The following CLCN3 variants were observed in gnomAD, a reference collection of about 807,000 sequenced individuals.
CLCN3 encodes H(+)/Cl(-) exchange transporter 3.
Under a neutral mutation model 83.4 loss-of-function variants are expected in CLCN3, and 16 were observed. That is an observed-to-expected ratio of 0.19 (90% CI 0.13 to 0.29). CLCN3 has a LOEUF of 0.29. Among genes scored for constraint, CLCN3 ranks in the 10% least tolerant of loss-of-function variants. The pLI is 1.00. For synonymous variants in CLCN3, 322 were observed against 346.2 expected (o/e 0.93, Z 0.78); for missense variants, 544 against 1,006.0 (o/e 0.54, Z 6.21).
intron 2 of CLCN3, among the ~76,000 whole-genome samples, chr4:169,649,275 C>T (rs1581205700): frequency 1.3e-5 from 2 of 152,116 alleles, no homozygotes; most frequent in Non-Finnish European, 1.5e-5. Flanking sequence ...AGGCTGAAGA[C>T]GTAGCTAAGC....
chr4:169,643,408 T>A (rs1730478713), intron 2 of CLCN3, among the ~76,000 whole-genome samples: 1 of 152,046 alleles, frequency 6.6e-6, no homozygotes, highest in African/African-American at 2.4e-5. Context: ...TTTTTTGTAT[T>A]TAGTAGAGAC....
At chr4:169,643,869 C>T (rs1469881496) in intron 2 of CLCN3, among the ~76,000 whole-genome samples, 2 of 152,072 alleles carry the variant, frequency 1.3e-5, no homozygotes, top group African/African-American at 4.8e-5. Context: ...CTTGAGAGCT[C>T]AAATTTTTTT....
At chr4:169,684,427 G>T (rs1207498619) in intron 3 of CLCN3, among the ~76,000 whole-genome samples, 1 of 152,120 alleles carries the variant, frequency 6.6e-6, no homozygotes, top group Non-Finnish European at 1.5e-5. Flanking sequence ...ATGGATTTAA[G>T]TATATTTGTG....
At chr4:169,671,583 C>G (rs112202884) in intron 2 of CLCN3, among the ~76,000 whole-genome samples, 1 of 152,048 alleles carries the variant, frequency 6.6e-6, no homozygotes, top group South Asian at 2.1e-4. Flanking sequence ...CCTGCACATT[C>G]TGAACATGTA....
chr4:169,699,738 C>T (rs777815146), intron 9 of CLCN3, among the ~76,000 whole-genome samples: 1 of 151,900 alleles, frequency 6.6e-6, no homozygotes, highest in Non-Finnish European at 1.5e-5. Context: ...AAAAATTAGC[C>T]AGGCGTGGTG....
chr4:169,692,466 C>G (rs1215860016), intron 7 of CLCN3, 146 bp downstream of exon 7: 1 of 370,358 alleles, frequency 2.7e-6, no homozygotes, highest in African/African-American at 2.1e-5. Context: ...CCTGAATAAT[C>G]TATAACATCT....
Position 169,697,408 on chromosome 4 carries a change from G to A in CLCN3, c.1237G>A (p.Ala413Thr). ...AGCCTTTTTCATTAGGGCAAATATT[G>A]CCTGGTGTCGTCGACGCAAGTCCAC... ...WGAFFIRANIAWCRRRKSTKF... is the reference protein window; with the variant it reads ...WGAFFIRANITWCRRRKSTKF... The change falls in exon 9 of 13, where the codon GCC (alanine) becomes ACC (threonine). Residue 413 changes from alanine (A) to threonine (T), a missense_variant. Physicochemically the swap from Ala to Thr is moderately conservative, Grantham distance 58. Around this residue, in one of 6 missense-constraint regions of CLCN3, gnomAD observed 194 missense variants for 341.4 expected, o/e 0.57. Coordinates refer to ENST00000513761, the MANE Select transcript of CLCN3 (RefSeq NM_001829.4). 5 of 1,614,072 alleles carry A rather than the reference G, an allele frequency of 3.1e-6. No individual in the cohort carries two copies. Among genetic ancestry groups the A allele is most frequent in the Non-Finnish European group, 4.2e-6 (5 of 1,180,006 alleles).
intron 1 of CLCN3, among the ~76,000 whole-genome samples, chr4:169,631,449 G>T (rs981031379): frequency 6.6e-6 from 1 of 151,964 alleles, no homozygotes; most frequent in South Asian, 2.1e-4. Flanking sequence ...ACCACGCCCG[G>T]CTAATTTTTT....
intron 2 of CLCN3, among the ~76,000 whole-genome samples, chr4:169,663,947 C>G (rs1239448143): frequency 6.6e-6 from 1 of 152,212 alleles, no homozygotes; most frequent in East Asian, 1.9e-4. Flanking sequence ...GAAATCTCTT[C>G]TTCCCCCAAA....
intron 2 of CLCN3, among the ~76,000 whole-genome samples, chr4:169,669,963 G>T (rs747532476): frequency 6.6e-6 from 1 of 152,100 alleles, no homozygotes; most frequent in Non-Finnish European, 1.5e-5. Flanking sequence ...ACTTTTTGAT[G>T]GGGTTGTTTG....
At chr4:169,676,735 C>T (rs1379731607) in intron 2 of CLCN3, among the ~76,000 whole-genome samples, 2 of 150,016 alleles carry the variant, frequency 1.3e-5, no homozygotes, top group Non-Finnish European at 3.0e-5. Context: ...TGAGCTCAAG[C>T]AATCCACCCA....
chr4:169,656,920 G>A (rs925120914), intron 2 of CLCN3, among the ~76,000 whole-genome samples: 4 of 152,144 alleles, frequency 2.6e-5, no homozygotes, highest in African/African-American at 4.8e-5. Context: ...CAGCCTGGAC[G>A]TTGGAGTGAG....
intron 8 of CLCN3, 21 bp downstream of exon 8, chr4:169,695,713 A>C (rs748513874): frequency 6.8e-7 from 1 of 1,481,296 alleles, no homozygotes. Flanking sequence ...AGAATACAAC[A>C]ATTAAAATTA....
chr4:169,653,576 G>C (rs1362006636), intron 2 of CLCN3, among the ~76,000 whole-genome samples: 1 of 145,870 alleles, frequency 6.9e-6, no homozygotes, highest in Non-Finnish European at 1.5e-5. Flanking sequence ...GGAGGGTGGA[G>C]GTTGCAGTGA....
chr4:169,656,808 C>G (rs997012699), intron 2 of CLCN3, among the ~76,000 whole-genome samples: 1 of 152,136 alleles, frequency 6.6e-6, no homozygotes, highest in African/African-American at 2.4e-5. Flanking sequence ...GGCATGGTGG[C>G]ACACACGTGT....
chr4:169,624,717 T>C (rs1773189352), intron 1 of CLCN3, among the ~76,000 whole-genome samples: 1 of 152,270 alleles, frequency 6.6e-6, no homozygotes, highest in East Asian at 1.9e-4. Context: ...ATATTTATTA[T>C]AATTTCTGGT....
chr4:169,689,195 A>G lies in CLCN3; in HGVS notation c.571A>G (p.Lys191Glu). 1 of 1,613,798 alleles carries G rather than the reference A, an allele frequency of 6.2e-7. No individual in the cohort carries two copies. The highest frequency in any genetic ancestry group is 8.5e-7 in the Non-Finnish European group (1 of 1,179,844). ...FEERDKCPQW[K>E]TWAELIIGQA... ...AGAGAGGGATAAATGTCCACAGTGG[A>G]AAACATGGGCAGAATTAATCATAGG... Residue 191 changes from lysine (K) to glutamate (E), a missense_variant, in exon 5 of 13, where the codon AAA (lysine) becomes GAA (glutamate). Coordinates refer to ENST00000513761, the MANE Select transcript of CLCN3 (RefSeq NM_001829.4).
intron 2 of CLCN3, among the ~76,000 whole-genome samples, chr4:169,660,794 A>G (rs1731030968): frequency 6.6e-6 from 1 of 152,222 alleles, no homozygotes; most frequent in Non-Finnish European, 1.5e-5. Flanking sequence ...CTTCCTTCAG[A>G]AAACTTACAT....
Position 169,687,659 on chromosome 4 carries a change from T to A in CLCN3, c.320T>A (p.Ile107Asn). The change falls in exon 4 of 13, where the codon ATC becomes AAC. Residue 107 changes from isoleucine to asparagine, a missense_variant and splice_region_variant. Coordinates refer to ENST00000513761, the MANE Select transcript of CLCN3 (RefSeq NM_001829.4). ...AAGCATAAACATTTCTAATTTCAGA[T>A]CAACAGCAAAAAGAAAGAATCAGCA... ...KCKDRERHRRINSKKKESAWE... is the reference protein window; with the variant it reads ...KCKDRERHRRNNSKKKESAWE... The A allele has an allele frequency of 3.7e-6, 6 of 1,602,854 alleles. No individual in the cohort carries two copies. Among genetic ancestry groups the A allele is most frequent in the Non-Finnish European group, 5.1e-6 (6 of 1,172,620 alleles).
Sources: gnomAD v4.1 joint callset for allele counts (sites outside exome capture counted in the v4.1 genomes callset) on GRCh38, gnomAD v4.1.1 for gene constraint, gnomAD v4.1.1 regional missense constraint, MANE v1.5 for transcripts, NCBI Gene and HGNC (gene_info 2026-07-23, HGNC 2026-07-21) for gene names.